Variants in ANKS1B observed in about 807,000 individuals in gnomAD.
ANKS1B encodes ankyrin repeat and sterile alpha motif domain containing 1B, also known as ankyrin repeat and sterile alpha motif domain-containing protein 1B.
Under a neutral mutation model 148.3 loss-of-function variants are expected in ANKS1B, and 36 were observed. The observed-to-expected ratio is 0.24, with a 90% CI of 0.19 to 0.32. ANKS1B has a LOEUF of 0.32. Ranked by LOEUF, ANKS1B falls within the 10% of genes least tolerant of loss-of-function variation. The probability of loss-of-function intolerance (pLI) is 1.00; values close to 1 mark genes in which losing one functional copy is unlikely to be tolerated. For missense variants in ANKS1B, 1,157 were observed against 1,542.6 expected (o/e 0.75, Z 4.19); for synonymous variants, 542 against 560.8 (o/e 0.97, Z 0.47).
intron 8 of ANKS1B, among the ~76,000 whole-genome samples, chr12:99,688,834 C>T (rs573982089): frequency 6.6e-6 from 1 of 150,578 alleles, no homozygotes; most frequent in Admixed American, 6.6e-5. Context: ...GACTGAGATA[C>T]TGTCTCTAAA....
At chr12:99,623,839 C>T in intron 9 of ANKS1B, among the ~76,000 whole-genome samples, 1 of 151,574 alleles carries the variant, frequency 6.6e-6, no homozygotes. Context: ...CCAAAGCAAT[C>T]TACATTTTCA....
intron 17 of ANKS1B, among the ~76,000 whole-genome samples, chr12:98,944,111 C>A (rs1216660804): frequency 1.3e-5 from 2 of 152,024 alleles, no homozygotes; most frequent in Non-Finnish European, 2.9e-5. Context: ...ACCAGCCTGG[C>A]CAACATGGTG....
intron 8 of ANKS1B, among the ~76,000 whole-genome samples, chr12:99,671,697 A>G (rs1166038171): frequency 2.6e-5 from 4 of 152,140 alleles, no homozygotes; most frequent in Admixed American, 6.6e-5. Flanking sequence ...ATGAATATAA[A>G]TTAGACATTA....
At chr12:98,827,548 C>T (rs1318221728) in intron 19 of ANKS1B, among the ~76,000 whole-genome samples, 1 of 152,226 alleles carries the variant, frequency 6.6e-6, no homozygotes, top group East Asian at 1.9e-4. Context: ...AAGATTTGTG[C>T]TATTTGGTAC....
intron 15 of ANKS1B, among the ~76,000 whole-genome samples, chr12:99,136,391 G>GA (rs2068071803): frequency 6.6e-6 from 1 of 152,164 alleles, no homozygotes; most frequent in Admixed American, 6.5e-5. Flanking sequence ...ATTATGGGGT[G>GA]ACAACAGGAG....
intron 17 of ANKS1B, among the ~76,000 whole-genome samples, chr12:98,917,048 C>A (rs1053593568): frequency 2.0e-5 from 3 of 151,766 alleles, no homozygotes; most frequent in Admixed American, 2.0e-4. Flanking sequence ...GCAGCCTCCA[C>A]CTCCCGGGCT....
At chr12:99,169,120 G>A (rs765291825) in intron 14 of ANKS1B, among the ~76,000 whole-genome samples, 3 of 152,082 alleles carry the variant, frequency 2.0e-5, no homozygotes, top group Admixed American at 6.6e-5. Context: ...TTTGCCAGGC[G>A]GTGGGGAGAT....
chr12:98,965,881 T>A (rs900399701), intron 17 of ANKS1B, among the ~76,000 whole-genome samples: 6 of 152,152 alleles, frequency 3.9e-5, no homozygotes, highest in Non-Finnish European at 8.8e-5. Context: ...TCCTTACACC[T>A]CATACGAAAA....
intron 12 of ANKS1B, among the ~76,000 whole-genome samples, chr12:99,274,845 A>G (rs1484204885): frequency 6.6e-6 from 1 of 152,142 alleles, no homozygotes; most frequent in Non-Finnish European, 1.5e-5. Flanking sequence ...TCTCACTCAC[A>G]TGTTTGGTGG....
At chr12:99,924,498 T>C (rs937512406) in intron 1 of ANKS1B, among the ~76,000 whole-genome samples, 1 of 152,160 alleles carries the variant, frequency 6.6e-6, no homozygotes, top group African/African-American at 2.4e-5. Context: ...TTGTTACATA[T>C]ATGTACCATT....
rs567999729 is a variant in ANKS1B at position 99,718,060 on chromosome 12, C to G, written c.1128+54862G>C. Among the ~76,000 whole-genome samples the G allele has an allele frequency of 2.0e-5, 3 of 151,732 alleles. No individual in the cohort carries two copies. The East Asian group carries it at 5.8e-4, about 30-fold the overall frequency. The stretch of plus-strand genomic sequence containing the variant: ...CTGGGACTACAGGCGCCCGCTACCA[C>G]GCCCGGCTAATTTTTTGTATTTTTA... On this transcript the variant is annotated intron_variant, in intron 8 of 26. Coordinates refer to ENST00000683438, the MANE Select transcript of ANKS1B (RefSeq NM_001352186.2).
At chr12:99,798,423 TAAAAAAAAAA>T (rs61020616) in intron 4 of ANKS1B, among the ~76,000 whole-genome samples, 344 of 78,648 alleles carry the variant, frequency 4.4e-3, no homozygotes, top group African/African-American at 0.014. Flanking sequence ...CTCTTGGAAT[TAAAAAAAAAA>T]AAAAAAAAAA....
chr12:98,896,115 G>A (rs965597287), intron 17 of ANKS1B, among the ~76,000 whole-genome samples: 1 of 152,118 alleles, frequency 6.6e-6, no homozygotes, highest in Admixed American at 6.5e-5. Context: ...TCTATGAATA[G>A]GTTGGAATGG....
intron 12 of ANKS1B, among the ~76,000 whole-genome samples, chr12:99,342,778 A>G (rs1182396162): frequency 6.6e-6 from 1 of 152,036 alleles, no homozygotes; most frequent in Non-Finnish European, 1.5e-5. Flanking sequence ...GTAAAATGGG[A>G]AAGACTAACA....
intron 1 of ANKS1B, among the ~76,000 whole-genome samples, chr12:99,874,651 A>G (rs905915594): frequency 4.6e-5 from 7 of 152,184 alleles, no homozygotes; most frequent in Non-Finnish European, 8.8e-5. Context: ...ACTGACATAC[A>G]TATGCTGCTA....
rs571085381 is a variant in ANKS1B, at chr12:99,009,941, A to G, written c.2778+43216T>C. Among the ~76,000 whole-genome samples, 45 of 152,346 alleles carry G rather than the reference A, an allele frequency of 3.0e-4. No individual in the cohort carries two copies. In the South Asian group the frequency reaches 9.1e-3, roughly 31 times the overall value. On this transcript the variant is annotated intron_variant, in intron 17 of 26. Coordinates refer to ENST00000683438, the MANE Select transcript of ANKS1B (RefSeq NM_001352186.2). Reference sequence around the variant, plus strand: ...GGAGCTTTAACAGTGTCCCACTTCAATTAGAGCAAAGCTCACTGGGAATGT... The same window carrying G: ...GGAGCTTTAACAGTGTCCCACTTCAGTTAGAGCAAAGCTCACTGGGAATGT...
intron 12 of ANKS1B, among the ~76,000 whole-genome samples, chr12:99,349,163 A>G (rs2091107128): frequency 6.6e-6 from 1 of 152,008 alleles, no homozygotes; most frequent in Non-Finnish European, 1.5e-5. Flanking sequence ...GTAACCTGAA[A>G]GAACAAGTGA....
At chr12:99,838,911 CA>C (rs142249485) in intron 1 of ANKS1B, among the ~76,000 whole-genome samples, 9,457 of 152,150 alleles carry the variant, frequency 0.062, 329 homozygotes, top group Middle Eastern at 0.15. Flanking sequence ...ACCTGTATTT[CA>C]AATCTGTATT....
intron 9 of ANKS1B, chr12:99,649,639 G>T (rs2098405110): frequency 6.7e-6 from 3 of 447,708 alleles, no homozygotes; most frequent in Non-Finnish European, 1.2e-5. Context: ...CTATTAGTGG[G>T]TGCTTCCATG....
Sources: allele counts gnomAD v4.1 joint callset (sites outside exome capture counted in the v4.1 genomes callset), GRCh38; gene constraint gnomAD v4.1.1; transcripts MANE v1.5; gene names NCBI Gene and HGNC (gene_info 2026-07-23, HGNC 2026-07-21).